The following RAB38 variants were observed in gnomAD, a reference collection of about 807,000 sequenced individuals.
RAB38 encodes the protein ras-related protein Rab-38.
In RAB38, 15 loss-of-function variants were observed where a neutral mutation model predicts 18.4. The observed-to-expected ratio is 0.82, with a 90% CI of 0.55 to 1.26. The LOEUF (loss-of-function observed/expected upper bound fraction) is 1.26. Ranked by LOEUF, RAB38 falls within the 50% of genes most tolerant of loss-of-function variation. The pLI, the probability that RAB38 is intolerant of heterozygous loss-of-function variation, is 0.00. For synonymous variants in RAB38, 101 were observed against 104.4 expected, an observed-to-expected ratio of 0.97 and a Z score of 0.20; for missense variants, 294 against 267.4, an observed-to-expected ratio of 1.10 and a Z score of -0.69.
At chr11:88,040,898 C>A in the RAB38 span, among the ~76,000 whole-genome samples, 4 of 152,194 alleles carry the variant, frequency 2.6e-5, no homozygotes, top group Admixed American at 1.3e-4. Flanking sequence ...AAGATACAGC[C>A]CCTTAAAATT....
chr11:87,853,131 C>T, the RAB38 span, among the ~76,000 whole-genome samples: 4,783 of 152,168 alleles, frequency 0.031, 229 homozygotes, highest in African/African-American at 0.11. Flanking sequence ...ATATGGTCAG[C>T]GACGTCTGGA....
chr11:87,813,491 C>T, the RAB38 span, among the ~76,000 whole-genome samples: 16 of 123,982 alleles, frequency 1.3e-4, no homozygotes, highest in African/African-American at 4.8e-4. Context: ...ACATATACAT[C>T]ATACACATCA....
chr11:88,014,297 C>G, the RAB38 span, among the ~76,000 whole-genome samples: 1 of 152,008 alleles, frequency 6.6e-6, no homozygotes, highest in African/African-American at 2.4e-5. Flanking sequence ...CTAAGTGGAG[C>G]AAATTAGGAT....
the RAB38 span, among the ~76,000 whole-genome samples, chr11:87,945,847 T>C: frequency 6.6e-6 from 1 of 152,198 alleles, no homozygotes; most frequent in Admixed American, 6.6e-5. Context: ...ATAATGAATA[T>C]AACTGAGTAA....
chr11:88,026,040 C>T, the RAB38 span, among the ~76,000 whole-genome samples: 2 of 152,050 alleles, frequency 1.3e-5, no homozygotes, highest in African/African-American at 4.8e-5. Flanking sequence ...TTTTGGCTCA[C>T]TGCAACCTCT....
At chr11:88,115,529 T>C (rs1942538646) in intron 2 of RAB38, 1 of 152,254 alleles carries the variant, frequency 6.6e-6, no homozygotes, top group African/African-American at 2.4e-5. Context: ...AAGCTTAAGG[T>C]AACTTTGGAG....
At chr11:87,873,068 A>C in the RAB38 span, among the ~76,000 whole-genome samples, 1 of 151,564 alleles carries the variant, frequency 6.6e-6, no homozygotes, top group Admixed American at 6.6e-5. Flanking sequence ...TTGTATTCCC[A>C]CAAAAAATGA....
chr11:87,960,340 A>G, the RAB38 span, among the ~76,000 whole-genome samples: 1 of 151,242 alleles, frequency 6.6e-6, no homozygotes, highest in South Asian at 2.1e-4. Flanking sequence ...CAGTTTGAGT[A>G]TCACTGACAG....
the RAB38 span, among the ~76,000 whole-genome samples, chr11:87,935,583 A>G: frequency 6.6e-6 from 1 of 152,116 alleles, no homozygotes; most frequent in Non-Finnish European, 1.5e-5. Flanking sequence ...ATGAAGTTGT[A>G]AGAAATAATG....
At chr11:87,971,514 G>A in the RAB38 span, among the ~76,000 whole-genome samples, 1 of 152,060 alleles carries the variant, frequency 6.6e-6, no homozygotes, top group Non-Finnish European at 1.5e-5. Flanking sequence ...CTCCCTTCCC[G>A]TCACACCTGT....
chr11:88,163,104 T>A (rs1943206380), intron 1 of RAB38, among the ~76,000 whole-genome samples: 1 of 152,086 alleles, frequency 6.6e-6, no homozygotes, highest in Non-Finnish European at 1.5e-5. Context: ...TTGTACTGCT[T>A]TTTATGTGCT....
the RAB38 span, among the ~76,000 whole-genome samples, chr11:87,878,526 A>G: frequency 2.6e-5 from 4 of 151,652 alleles, no homozygotes; most frequent in African/African-American, 7.2e-5. Flanking sequence ...GGAGTGTTCT[A>G]TGGTTTCTGG....
chr11:88,112,131 T>G (rs1233462417), downstream of RAB38, among the ~76,000 whole-genome samples: 1 of 152,200 alleles, frequency 6.6e-6, no homozygotes, highest in Non-Finnish European at 1.5e-5. Context: ...GATCCAATAT[T>G]TCAGTATATC....
chr11:87,803,811 A>G, the RAB38 span, among the ~76,000 whole-genome samples: 3 of 152,214 alleles, frequency 2.0e-5, no homozygotes, highest in African/African-American at 4.8e-5. Flanking sequence ...AAAGGAGAAG[A>G]TGGAAGGAAT....
chr11:87,916,971 G>A, the RAB38 span, among the ~76,000 whole-genome samples: 1 of 152,098 alleles, frequency 6.6e-6, no homozygotes, highest in Non-Finnish European at 1.5e-5. Flanking sequence ...CCAGAGAGAA[G>A]GGGTTAGCAT....
chr11:87,912,510 CTT>C, the RAB38 span, among the ~76,000 whole-genome samples: 2 of 151,844 alleles, frequency 1.3e-5, no homozygotes, highest in African/African-American at 4.8e-5. Flanking sequence ...ACTTATTACT[CTT>C]TTAATATTTG....
the RAB38 span, among the ~76,000 whole-genome samples, chr11:88,094,536 C>T: frequency 3.3e-5 from 5 of 151,856 alleles, no homozygotes; most frequent in Non-Finnish European, 7.4e-5. Context: ...TCCTTCAACT[C>T]CTCATGTCTC....
chr11:88,087,733 A>G, the RAB38 span, among the ~76,000 whole-genome samples: 3 of 151,908 alleles, frequency 2.0e-5, no homozygotes, highest in Non-Finnish European at 4.4e-5. Context: ...GGCTCTTACC[A>G]TAGCAACTGC....
At chr11:87,935,064 CCTT>C in the RAB38 span, among the ~76,000 whole-genome samples, 2 of 152,024 alleles carry the variant, frequency 1.3e-5, no homozygotes, top group Non-Finnish European at 1.5e-5. Context: ...GTCTCTCCTC[CCTT>C]CTTCTTGTCT....
Sources: gnomAD v4.1 joint callset for allele counts (sites outside exome capture counted in the v4.1 genomes callset) on GRCh38, gnomAD v4.1.1 for gene constraint, MANE v1.5 for transcripts, NCBI Gene and HGNC (gene_info 2026-07-23, HGNC 2026-07-21) for gene names.